Variants in FBLN2 observed in about 807,000 individuals in gnomAD.
The protein encoded by FBLN2 is fibulin-2.
In FBLN2, 81 loss-of-function variants were observed where a neutral mutation model predicts 123.7. The ratio of observed to expected loss-of-function variants is 0.65; its 90% CI spans 0.55 to 0.79. FBLN2 has a LOEUF of 0.79. FBLN2 is among the 30% of genes least tolerant of loss of function. The probability of loss-of-function intolerance (pLI) is 0.00; values close to 1 mark genes in which losing one functional copy is unlikely to be tolerated. For missense variants in FBLN2, 1,603 were observed against 1,681.3 expected, an observed-to-expected ratio of 0.95 and a Z score of 0.81; for synonymous variants, 699 against 701.4, an observed-to-expected ratio of 1.00 and a Z score of 0.05.
chr3:13,549,264 A>T, intron 1 of FBLN2, 56 bp downstream of exon 1: 1 of 969,128 alleles, frequency 1.0e-6, no homozygotes, highest in Non-Finnish European at 1.2e-6. Context: ...CGCGCCTCGC[A>T]GCTCAGGACT....
At position 13,570,571 on chromosome 3, in the gene FBLN2, C is replaced by G; in HGVS notation, c.216C>G (p.Asp72Glu). The change falls in exon 2 of 18, where the codon GAC becomes GAG. Residue 72 changes from aspartate (D) to glutamate (E), a missense_variant. Coordinates refer to ENST00000404922, the MANE Select transcript of FBLN2 (RefSeq NM_001004019.2). ...GCACEGYQYY[D>E]CLQGGFVRGR... ...CCTGCGAGGGCTACCAGTACTATGA[C>G]TGCCTACAGGGTGGCTTCGTGCGCG... The G allele has an allele frequency of 6.3e-7, 1 of 1,588,564 alleles. No homozygotes were observed. The highest frequency in any genetic ancestry group is 8.6e-7 in the Non-Finnish European group (1 of 1,168,782).
intron 2 of FBLN2, among the ~76,000 whole-genome samples, chr3:13,577,577 C>T (rs1412520104): frequency 6.6e-6 from 1 of 152,158 alleles, no homozygotes; most frequent in African/African-American, 2.4e-5. Context: ...TAACAGGATC[C>T]CTGGCTAGGA....
Position 13,571,409 on chromosome 3 carries a change from G to A in FBLN2, c.1054G>A (p.Gly352Arg), listed in dbSNP as rs978185780. ...LDAQATSRSTGPEGVTHAPSL... is the reference protein window; with the variant it reads ...LDAQATSRSTRPEGVTHAPSL... ...TGCCCAAGCCACGTCCCGCAGCACT[G>A]GGCCGGAGGGCGTGACGCATGCACC... Residue 352 changes from glycine (G) to arginine (R), a missense_variant, in exon 2 of 18, where the codon GGG (glycine) becomes AGG (arginine). Gly to Arg is a moderately radical substitution (Grantham distance 125). Transcript: ENST00000404922. 1.1e-5 allele frequency: 17 copies of A among 1,612,964 alleles called. No individual in the cohort carries two copies. The highest frequency in any genetic ancestry group is 1.3e-5 in the Non-Finnish European group (15 of 1,179,578).
intron 1 of FBLN2, among the ~76,000 whole-genome samples, chr3:13,569,892 A>G (rs1034791381): frequency 6.6e-6 from 1 of 152,148 alleles, no homozygotes; most frequent in East Asian, 1.9e-4. Flanking sequence ...TGTGGGTGAG[A>G]CAGCGTGTGT....
chr3:13,620,671 G>C (rs1219529771), intron 8 of FBLN2, among the ~76,000 whole-genome samples: 1 of 152,174 alleles, frequency 6.6e-6, no homozygotes, highest in Non-Finnish European at 1.5e-5. Flanking sequence ...CTCCTGCCTG[G>C]GGGCAGGACA....
intron 2 of FBLN2, among the ~76,000 whole-genome samples, chr3:13,591,617 A>G (rs1262721922): frequency 1.3e-5 from 2 of 151,914 alleles, no homozygotes; most frequent in Admixed American, 6.6e-5. Context: ...TTTCTGTTCC[A>G]TTATCTGTCT....
At chr3:13,604,866 C>T (rs770149524) in intron 2 of FBLN2, among the ~76,000 whole-genome samples, 7 of 152,244 alleles carry the variant, frequency 4.6e-5, no homozygotes, top group African/African-American at 9.6e-5. Flanking sequence ...GCTAAGGCAA[C>T]GCAGCCGATG....
At chr3:13,618,804 C>T (rs1705727631) in intron 6 of FBLN2, 100 bp from the exon 7 acceptor site, 2 of 764,640 alleles carry the variant, frequency 2.6e-6, no homozygotes, top group African/African-American at 1.7e-5. Flanking sequence ...GATTAAATGT[C>T]AGTGCCCTGT....
At chr3:13,572,437 A>T (rs1381101783) in intron 2 of FBLN2, among the ~76,000 whole-genome samples, 1 of 152,270 alleles carries the variant, frequency 6.6e-6, no homozygotes, top group Non-Finnish European at 1.5e-5. Flanking sequence ...CTGGAGGCTC[A>T]GGTCACACAA....
intron 15 of FBLN2, 147 bp downstream of exon 15, chr3:13,630,962 C>G: frequency 1.5e-6 from 1 of 672,192 alleles, no homozygotes; most frequent in South Asian, 1.9e-5. Flanking sequence ...AGTTTCCTGG[C>G]TGTGTGACCT....
intron 9 of FBLN2, among the ~76,000 whole-genome samples, chr3:13,625,062 G>A (rs2124902113): frequency 6.6e-6 from 1 of 151,648 alleles, no homozygotes; most frequent in East Asian, 2.0e-4. Context: ...TGTGGCCCCG[G>A]GGCAGTTTCT....
intron 2 of FBLN2, among the ~76,000 whole-genome samples, chr3:13,604,230 T>C (rs1705132450): frequency 6.6e-6 from 1 of 152,238 alleles, no homozygotes; most frequent in Non-Finnish European, 1.5e-5. Flanking sequence ...AGAAGCTCTT[T>C]AGTTTAATTA....
chr3:13,555,833 A>G (rs1002982241), intron 1 of FBLN2, among the ~76,000 whole-genome samples: 1 of 152,246 alleles, frequency 6.6e-6, no homozygotes, highest in Non-Finnish European at 1.5e-5. Flanking sequence ...GACGGTCTCC[A>G]ATAGCCAGAT....
chr3:13,620,476 C>T (rs1037833979), intron 8 of FBLN2, among the ~76,000 whole-genome samples: 4 of 152,196 alleles, frequency 2.6e-5, no homozygotes, highest in Admixed American at 2.6e-4. Context: ...TGATGATTAG[C>T]TGTCCAAGGA....
At chr3:13,618,871 C>A (rs1705731987) in intron 6 of FBLN2, 33 bp from the exon 7 acceptor site, 5 of 1,559,854 alleles carry the variant, frequency 3.2e-6, no homozygotes, top group Non-Finnish European at 4.4e-6. Flanking sequence ...CTGAGACCTC[C>A]CTGCAACCCC....
At chr3:13,561,705 T>TC (rs1703613164) in intron 1 of FBLN2, among the ~76,000 whole-genome samples, 3 of 152,150 alleles carry the variant, frequency 2.0e-5, no homozygotes, top group Admixed American at 1.3e-4. Flanking sequence ...CCTTATCTCT[T>TC]CCCCCCATCA....
intron 1 of FBLN2, among the ~76,000 whole-genome samples, chr3:13,561,508 A>G (rs955242854): frequency 6.6e-6 from 1 of 151,384 alleles, no homozygotes; most frequent in Non-Finnish European, 1.5e-5. Flanking sequence ...TGCCGGCTGC[A>G]GTGTGTCAGG....
chr3:13,553,205 C>T (rs1559395646), intron 1 of FBLN2, among the ~76,000 whole-genome samples: 1 of 152,196 alleles, frequency 6.6e-6, no homozygotes, highest in Non-Finnish European at 1.5e-5. Context: ...GCCCTCCAGT[C>T]CTGGTCTGCG....
intron 1 of FBLN2, among the ~76,000 whole-genome samples, chr3:13,565,189 A>G (rs1272615727): frequency 2.6e-5 from 4 of 152,180 alleles, no homozygotes; most frequent in South Asian, 4.1e-4. Flanking sequence ...ACGTAACCCC[A>G]GGTGTGAACC....
Sources: gnomAD v4.1 joint callset for allele counts (sites outside exome capture counted in the v4.1 genomes callset) on GRCh38, gnomAD v4.1.1 for gene constraint, MANE v1.5 for transcripts, NCBI Gene and HGNC (gene_info 2026-07-23, HGNC 2026-07-21) for gene names.